NCKAP5: variants seen among roughly 807,000 people sequenced by gnomAD.
The protein encoded by NCKAP5 is NCK associated protein 5, also known as nck-associated protein 5.
NCKAP5 carries 92 observed loss-of-function variants against 167.0 expected under a neutral mutation model. The observed-to-expected ratio is 0.55, with a 90% CI of 0.47 to 0.66. The LOEUF (loss-of-function observed/expected upper bound fraction) is 0.66. Ranked by LOEUF, NCKAP5 falls within the 30% of genes least tolerant of loss-of-function variation. The pLI, the probability that NCKAP5 is intolerant of heterozygous loss-of-function variation, is 0.00. For missense variants in NCKAP5, 2,378 were observed against 2,315.0 expected, an observed-to-expected ratio of 1.03 and a Z score of -0.56; for synonymous variants, 891 against 877.4, an observed-to-expected ratio of 1.02 and a Z score of -0.27.
At chr2:133,228,718 C>T (rs964086566) in intron 4 of NCKAP5, among the ~76,000 whole-genome samples, 24 of 152,288 alleles carry the variant, frequency 1.6e-4, no homozygotes, top group African/African-American at 5.8e-4. Context: ...TCTTTCTGTT[C>T]TATTCCTATC....
chr2:133,633,075 C>A, the NCKAP5 span, among the ~76,000 whole-genome samples: 5 of 152,112 alleles, frequency 3.3e-5, no homozygotes, highest in Non-Finnish European at 5.9e-5. Flanking sequence ...TGTGTGCATC[C>A]TTTATTTTCT....
intron 6 of NCKAP5, among the ~76,000 whole-genome samples, chr2:133,074,954 A>C (rs2080549072): frequency 6.6e-6 from 1 of 152,188 alleles, no homozygotes; most frequent in Non-Finnish European, 1.5e-5. Flanking sequence ...AATACCTTCC[A>C]AATTTAACAA....
chr2:132,714,352 G>C (rs550344670), intron 19 of NCKAP5, among the ~76,000 whole-genome samples: 1 of 152,102 alleles, frequency 6.6e-6, no homozygotes, highest in Non-Finnish European at 1.5e-5. Context: ...ATTGTTCTGC[G>C]TATCAGTCCA....
chr2:133,364,762 C>CT (rs952185813), intron 3 of NCKAP5, among the ~76,000 whole-genome samples: 21 of 146,096 alleles, frequency 1.4e-4, no homozygotes, highest in South Asian at 6.5e-4. Context: ...TTTTTTTTTT[C>CT]TTTTTTTTTG....
At chr2:132,767,247 C>CA in intron 16 of NCKAP5, among the ~76,000 whole-genome samples, 1 of 148,460 alleles carries the variant, frequency 6.7e-6, no homozygotes, top group East Asian at 1.9e-4. Context: ...TTCTTTTTTT[C>CA]TTTTTTTTTC....
chr2:132,685,280 A>G (rs1405706087), intron 19 of NCKAP5, among the ~76,000 whole-genome samples: 1 of 152,202 alleles, frequency 6.6e-6, no homozygotes, highest in Admixed American at 6.5e-5. Context: ...TGCCTCCAGG[A>G]AAAAACTGCA....
chr2:133,469,778 T>C (rs1482682778), intron 3 of NCKAP5, among the ~76,000 whole-genome samples: 4 of 151,906 alleles, frequency 2.6e-5, no homozygotes, highest in Non-Finnish European at 5.9e-5. Context: ...CCATTGCTGA[T>C]ACCCTTTCTT....
intron 3 of NCKAP5, among the ~76,000 whole-genome samples, chr2:133,326,070 C>G (rs1447581769): frequency 2.0e-5 from 3 of 152,194 alleles, no homozygotes; most frequent in South Asian, 2.1e-4. Context: ...CAGCTCTCTT[C>G]TTTAATTTGT....
At chr2:133,011,371 C>T (rs1300929103) in intron 6 of NCKAP5, among the ~76,000 whole-genome samples, 1 of 152,208 alleles carries the variant, frequency 6.6e-6, no homozygotes, top group Admixed American at 6.5e-5. Flanking sequence ...CACTGCCTCC[C>T]TCAAAACAAA....
chr2:133,209,708 T>C (rs1217172501), intron 5 of NCKAP5, among the ~76,000 whole-genome samples: 1 of 152,114 alleles, frequency 6.6e-6, no homozygotes, highest in African/African-American at 2.4e-5. Context: ...AATAAAGTCT[T>C]AAGTTTAATT....
intron 16 of NCKAP5, among the ~76,000 whole-genome samples, chr2:132,749,786 T>A (rs536346005): frequency 6.6e-6 from 1 of 152,216 alleles, no homozygotes; most frequent in South Asian, 2.1e-4. Flanking sequence ...CGCAGGACAG[T>A]GTTTCAACTA....
intron 6 of NCKAP5, among the ~76,000 whole-genome samples, chr2:133,011,388 C>T (rs558458639): frequency 5.9e-5 from 9 of 152,246 alleles, no homozygotes; most frequent in East Asian, 5.8e-4. Flanking sequence ...CAAAGGACTG[C>T]GCTGAAAGAA....
intron 4 of NCKAP5, among the ~76,000 whole-genome samples, chr2:133,263,285 A>G (rs77747620): frequency 0.089 from 12,322 of 138,008 alleles, 561 homozygotes; most frequent in South Asian, 0.15. Context: ...CTCTCTAGGA[A>G]AAAAAAAAAA....
intron 3 of NCKAP5, among the ~76,000 whole-genome samples, chr2:133,380,779 C>T (rs1263055606): frequency 6.6e-6 from 1 of 152,124 alleles, no homozygotes; most frequent in Non-Finnish European, 1.5e-5. Context: ...TAACAAGATC[C>T]CTAGGTAATA....
At chr2:132,822,083 T>A (rs1686788156) in intron 11 of NCKAP5, among the ~76,000 whole-genome samples, 1 of 152,168 alleles carries the variant, frequency 6.6e-6, no homozygotes, top group South Asian at 2.1e-4. Flanking sequence ...AAGTGCCACC[T>A]CCTGGCTGGA....
At chr2:133,037,495 C>T (rs565921991) in intron 6 of NCKAP5, among the ~76,000 whole-genome samples, 2 of 152,160 alleles carry the variant, frequency 1.3e-5, no homozygotes, top group African/African-American at 2.4e-5. Flanking sequence ...CAAATCCACA[C>T]ACCTACAGTG....
chr2:133,011,487 G>A (rs1295839231), intron 6 of NCKAP5, among the ~76,000 whole-genome samples: 2 of 152,204 alleles, frequency 1.3e-5, no homozygotes, highest in Non-Finnish European at 2.9e-5. Context: ...GTTAGAACAC[G>A]GTCCCCTAGG....
chr2:132,681,133 T>G (rs77684021), intron 19 of NCKAP5, among the ~76,000 whole-genome samples: 2,727 of 152,234 alleles, frequency 0.018, 72 homozygotes, highest in African/African-American at 0.061. Flanking sequence ...AGATTCCTTT[T>G]TCTTCTAGCA....
At chr2:133,170,685 G>A (rs1417408652) in intron 5 of NCKAP5, among the ~76,000 whole-genome samples, 1 of 152,184 alleles carries the variant, frequency 6.6e-6, no homozygotes, top group Non-Finnish European at 1.5e-5. Context: ...AGCCTATTTT[G>A]TTGAGGCATT....
Sources: allele counts gnomAD v4.1 joint callset (sites outside exome capture counted in the v4.1 genomes callset), GRCh38; gene constraint gnomAD v4.1.1; transcripts MANE v1.5; gene names NCBI Gene and HGNC (gene_info 2026-07-23, HGNC 2026-07-21).